CPLANE1: variants seen among roughly 807,000 people sequenced by gnomAD.
The protein encoded by CPLANE1 is ciliogenesis and planar polarity effector complex subunit 1, also known as ciliogenesis and planar polarity effector 1.
A neutral mutation model predicts 362.5 loss-of-function variants in CPLANE1; 263 were observed. The ratio of observed to expected loss-of-function variants is 0.73; its 90% CI spans 0.66 to 0.80. The LOEUF (loss-of-function observed/expected upper bound fraction) is 0.80, where lower values mean the gene tolerates loss of function less well. Ranked by LOEUF, CPLANE1 falls within the 30% of genes least tolerant of loss-of-function variation. CPLANE1 has a pLI of 0.00. For missense variants in CPLANE1, 3,461 were observed against 3,793.4 expected (o/e 0.91, Z 2.30); for synonymous variants, 1,212 against 1,302.6 (o/e 0.93, Z 1.50).
At chr5:37,204,579 G>T (rs1361837502) in intron 18 of CPLANE1, among the ~76,000 whole-genome samples, 2 of 151,978 alleles carry the variant, frequency 1.3e-5, no homozygotes, top group South Asian at 4.2e-4. Flanking sequence ...ACCCTTCCAG[G>T]CTTGAGATTC....
At chr5:37,138,344 T>C (rs764456938) in intron 46 of CPLANE1, among the ~76,000 whole-genome samples, 1 of 152,234 alleles carries the variant, frequency 6.6e-6, no homozygotes, top group Non-Finnish European at 1.5e-5. Context: ...TTATCTGATA[T>C]AAAAACAGCA....
chr5:37,212,487 G>T, intron 16 of CPLANE1: 12 of 558,172 alleles, frequency 2.1e-5, no homozygotes, highest in East Asian at 1.0e-4. Flanking sequence ...GAATAAAAAT[G>T]TGTAATCCAA....
At chr5:37,120,992 C>T (rs2150076139) in intron 49 of CPLANE1, among the ~76,000 whole-genome samples, 1 of 152,260 alleles carries the variant, frequency 6.6e-6, no homozygotes, top group African/African-American at 2.4e-5. Flanking sequence ...CACTGTACTC[C>T]AATTCATGTT....
At chr5:37,170,707 G>T (rs371990663) in intron 32 of CPLANE1, among the ~76,000 whole-genome samples, 1 of 152,288 alleles carries the variant, frequency 6.6e-6, no homozygotes, top group East Asian at 1.9e-4. Context: ...GGAGGCCGAG[G>T]CAGGCAGATC....
the CPLANE1 span, among the ~76,000 whole-genome samples, chr5:37,095,911 C>A: frequency 6.6e-6 from 1 of 152,124 alleles, no homozygotes; most frequent in African/African-American, 2.4e-5. Flanking sequence ...CAAAACAATG[C>A]TGAAGGAAAT....
chr5:37,138,700 A>G lies in CPLANE1; in HGVS notation c.8792+20T>C, dbSNP rs1332380315. 6.3e-7 allele frequency: 1 copy of G among 1,596,004 alleles called. No homozygotes were observed. The highest frequency in any genetic ancestry group is 8.5e-7 in the Non-Finnish European group (1 of 1,174,856). On this transcript the variant is annotated intron_variant, in intron 46 of 52. Coordinates refer to ENST00000651892, the MANE Select transcript of CPLANE1 (RefSeq NM_001384732.1). ...GAGAAGCATTTTAAACAGGTTAAAAATGAATTATTCAATGATTACCTGGAG... is the reference window on the plus strand; with the variant it reads ...GAGAAGCATTTTAAACAGGTTAAAAGTGAATTATTCAATGATTACCTGGAG...
In CPLANE1 at chr5:37,184,776, T is replaced by A; in HGVS notation, c.4481+12A>T. 6.3e-7 allele frequency: 1 copy of A among 1,595,626 alleles called. No individual in the cohort carries two copies. The highest frequency in any genetic ancestry group is 8.5e-7 in the Non-Finnish European group (1 of 1,171,436). On this transcript the variant is annotated intron_variant, in intron 25 of 52. Coordinates refer to ENST00000651892, the MANE Select transcript of CPLANE1 (RefSeq NM_001384732.1). ...GAAGTGAATGCCAGTGATTAAAAGA[T>A]CTCAATTGTACCTTTGATAGATATT...
At position 37,238,885 on chromosome 5, in the gene CPLANE1, T is replaced by G; in HGVS notation, c.910A>C (p.Ser304Arg). The G allele has an allele frequency of 6.5e-7, 1 of 1,529,546 alleles. No individual in the cohort carries two copies. The highest frequency in any genetic ancestry group is 8.8e-7 in the Non-Finnish European group (1 of 1,137,716). 94.7% of individuals were successfully genotyped at this position (1,529,546 alleles called of 1,614,324 possible). A position where few individuals can be genotyped will look rare whatever the true frequency, so the allele number is the denominator to read the frequency against. The part of the protein sequence containing the change: ...CGSLKGCSNK[S>R]PVVPATLIRS... ...ATAAGTGTAGCTGGAACCACGGGAC[T>G]CTTGTTACTACATCCTTTAAGGCTA... Residue 304 changes from serine (S) to arginine (R), a missense_variant, in exon 8 of 53, where the codon AGT (serine) becomes CGT (arginine). This residue lies in a region of CPLANE1 where 3,380 missense variants were observed against 3,666.1 expected (regional missense o/e 0.92). Transcript: ENST00000651892.
At chr5:37,232,839 CAAAAAAA>C (rs765038993) in intron 8 of CPLANE1, among the ~76,000 whole-genome samples, 12 of 62,028 alleles carry the variant, frequency 1.9e-4, no homozygotes, top group East Asian at 5.3e-4. Flanking sequence ...GACCTTGTTG[CAAAAAAA>C]AAAAAAAAAA....
intron 44 of CPLANE1, chr5:37,140,136 C>A: frequency 1.1e-6 from 1 of 877,566 alleles, no homozygotes; most frequent in Non-Finnish European, 1.4e-6. Context: ...TTAATCTATT[C>A]AGTCTTCTAT....
chr5:37,127,812 A>G (rs1225684500), intron 46 of CPLANE1, among the ~76,000 whole-genome samples: 1 of 151,950 alleles, frequency 6.6e-6, no homozygotes, highest in East Asian at 1.9e-4. Context: ...CACCGAGCCC[A>G]GCCATTATTT....
chr5:37,212,305 T>C, intron 16 of CPLANE1: 1 of 951,358 alleles, frequency 1.1e-6, no homozygotes, highest in East Asian at 2.4e-5. Flanking sequence ...GGCTCCCTAG[T>C]GGACACACTG....
At chr5:37,230,845 T>A in intron 9 of CPLANE1, 22 bp downstream of exon 9, 1 of 1,384,708 alleles carries the variant, frequency 7.2e-7, no homozygotes, top group Non-Finnish European at 9.4e-7. Context: ...ATAAACAAAT[T>A]AACACAATTC....
At chr5:37,154,500 C>A (rs1297598512) in intron 41 of CPLANE1, among the ~76,000 whole-genome samples, 1 of 105,302 alleles carries the variant, frequency 9.5e-6, no homozygotes, top group Admixed American at 1.2e-4. Flanking sequence ...TAGAGCCTTG[C>A]TTTGTCACCC....
chr5:37,158,892 T>TC, intron 38 of CPLANE1, among the ~76,000 whole-genome samples: 1 of 151,330 alleles, frequency 6.6e-6, no homozygotes, highest in Non-Finnish European at 1.5e-5. Flanking sequence ...GGGTTCATTC[T>TC]CCTGCCTCAG....
chr5:37,144,516 T>C (rs904254140), intron 43 of CPLANE1, among the ~76,000 whole-genome samples: 2 of 152,000 alleles, frequency 1.3e-5, no homozygotes, highest in Non-Finnish European at 2.9e-5. Flanking sequence ...AAACTTGTTT[T>C]GGTTTTATAC....
intron 51 of CPLANE1, among the ~76,000 whole-genome samples, chr5:37,110,705 C>T (rs1758932115): frequency 6.6e-6 from 1 of 152,068 alleles, no homozygotes; most frequent in Admixed American, 6.6e-5. Context: ...CATTATTATC[C>T]CCATTTTGCA....
At chr5:37,210,161 C>A in intron 16 of CPLANE1, 1 of 1,162,412 alleles carries the variant, frequency 8.6e-7, no homozygotes, top group Non-Finnish European at 1.3e-6. Flanking sequence ...GGGAAAAGAG[C>A]ACCCTTGAGA....
At chr5:37,190,701 G>C (rs1785288924) in intron 21 of CPLANE1, among the ~76,000 whole-genome samples, 1 of 152,144 alleles carries the variant, frequency 6.6e-6, no homozygotes, top group Non-Finnish European at 1.5e-5. Context: ...TGGCACTCAG[G>C]TCAATGACAG....
Sources: gnomAD v4.1 joint callset for allele counts (sites outside exome capture counted in the v4.1 genomes callset) on GRCh38, gnomAD v4.1.1 for gene constraint, gnomAD v4.1.1 regional missense constraint, MANE v1.5 for transcripts, NCBI Gene and HGNC (gene_info 2026-07-23, HGNC 2026-07-21) for gene names.